EDEM3: variants seen among roughly 807,000 people sequenced by gnomAD.
EDEM3 encodes ER degradation enhancing alpha-mannosidase like protein 3, also known as ER degradation-enhancing alpha-mannosidase-like protein 3.
EDEM3 carries 60 observed loss-of-function variants against 110.2 expected under a neutral mutation model. The observed-to-expected ratio is 0.54, with a 90% CI of 0.44 to 0.67. The LOEUF (loss-of-function observed/expected upper bound fraction) is 0.67, where lower values mean the gene tolerates loss of function less well. Among genes scored for constraint, EDEM3 ranks in the 30% least tolerant of loss-of-function variants. The probability of loss-of-function intolerance (pLI) is 0.00; values close to 1 mark genes in which losing one functional copy is unlikely to be tolerated. For missense variants in EDEM3, 996 were observed against 1,121.0 expected (o/e 0.89, Z 1.59); for synonymous variants, 352 against 382.9 (o/e 0.92, Z 0.94).
chr1:184,719,210 A>T lies in EDEM3; in HGVS notation c.1113T>A (p.Thr371=). Reference sequence around the variant, plus strand: ...TAATCACCTGATATAACATTTCATGAGTTTCAATAGCAGGTCTAATATCCC... The same window carrying T: ...TAATCACCTGATATAACATTTCATGTGTTTCAATAGCAGGTCTAATATCCC... ...LKGDIRPAIE[T]HEMLYQVIKK... Residue 371 remains threonine (T), a synonymous_variant, in exon 11 of 20, where the codon ACT becomes ACA. Coordinates refer to ENST00000318130, the MANE Select transcript of EDEM3 (RefSeq NM_025191.4). 1 of 1,574,664 alleles carries T rather than the reference A, an allele frequency of 6.4e-7. No individual in the cohort carries two copies. The highest frequency in any genetic ancestry group is 8.6e-7 in the Non-Finnish European group (1 of 1,164,642).
chr1:184,719,685 T>C, intron 9 of EDEM3, 117 bp from the exon 10 acceptor site: 1 of 953,942 alleles, frequency 1.0e-6, no homozygotes, highest in Non-Finnish European at 1.5e-6. Flanking sequence ...ATTCACTAAA[T>C]AACTACCAAT....
intron 19 of EDEM3, among the ~76,000 whole-genome samples, chr1:184,701,728 C>T (rs1649634726): frequency 6.6e-6 from 1 of 152,020 alleles, no homozygotes; most frequent in Admixed American, 6.6e-5. Flanking sequence ...GACTAGAAAA[C>T]CTTTGTATTC....
At position 184,732,212 on chromosome 1, in the gene EDEM3, A is replaced by C. The variant is rs967092336; in HGVS notation, c.612+625T>G. On this transcript the variant is annotated intron_variant, in intron 6 of 19. Coordinates refer to ENST00000318130, the MANE Select transcript of EDEM3 (RefSeq NM_025191.4). ...AAAAAGAAATAAGCCAGGCATAGAA[A>C]GACAAATTTTGAATGTTCTTACTCA... is the stretch of plus-strand genomic sequence containing the variant. Among the ~76,000 whole-genome samples, 91 of 152,122 alleles carry C rather than the reference A, an allele frequency of 6.0e-4. 1 individual carries two copies. The highest frequency in any genetic ancestry group is 2.0e-4 in the Admixed American group (3 of 15,270).
intron 5 of EDEM3, among the ~76,000 whole-genome samples, chr1:184,733,596 G>A (rs191893218): frequency 3.9e-5 from 6 of 152,270 alleles, no homozygotes; most frequent in African/African-American, 4.8e-5. Flanking sequence ...TTGGGAGGCC[G>A]AGGCAGGTGG....
At position 184,719,253 on chromosome 1, in the gene EDEM3, T is replaced by A. The variant is rs959244174; in HGVS notation, c.1078-8A>T. On this transcript the variant is annotated splice_polypyrimidine_tract_variant and splice_region_variant and intron_variant, in intron 10 of 19. Transcript: ENST00000318130. ...AATATCCCCCTTTAACACCTAGAAA[T>A]CAACAACAATAAAATTACCTAATAA... 9.7e-6 allele frequency: 15 copies of A among 1,548,868 alleles called. No individual in the cohort carries two copies. In the South Asian group the frequency reaches 1.1e-4, roughly 11 times the overall value.
At chr1:184,748,987 T>C (rs867966484) in intron 2 of EDEM3, among the ~76,000 whole-genome samples, 2 of 152,258 alleles carry the variant, frequency 1.3e-5, no homozygotes, top group Non-Finnish European at 2.9e-5. Context: ...ATCTACGTTG[T>C]TGCACAACAG....
chr1:184,751,187 T>C (rs1231382290), intron 1 of EDEM3, among the ~76,000 whole-genome samples: 1 of 150,938 alleles, frequency 6.6e-6, no homozygotes, highest in East Asian at 1.9e-4. Context: ...TATATATAAT[T>C]TTTATATTTG....
At chr1:184,729,255 C>T (rs1328390210) in intron 6 of EDEM3, among the ~76,000 whole-genome samples, 1 of 152,094 alleles carries the variant, frequency 6.6e-6, no homozygotes, top group Non-Finnish European at 1.5e-5. Context: ...TCCTGAGAGT[C>T]ACAAGGCAAT....
intron 2 of EDEM3, among the ~76,000 whole-genome samples, chr1:184,748,458 A>C (rs1466764598): frequency 2.0e-5 from 3 of 151,972 alleles, no homozygotes; most frequent in Non-Finnish European, 2.9e-5. Context: ...CAAAAAAAAA[A>C]ACAAAAAACA....
chr1:184,719,556 T>C lies in EDEM3; in HGVS notation c.964A>G (p.Ile322Val), dbSNP rs762204619. The C allele has an allele frequency of 1.4e-5, 23 of 1,614,006 alleles. 2 individuals carry two copies. Among genetic ancestry groups the C allele is most frequent in the South Asian group, 5.5e-5 (5 of 91,042 alleles). Residue 322 changes from isoleucine (I) to valine (V), a missense_variant, in exon 10 of 20, where the codon ATA (isoleucine) becomes GTA (valine). Coordinates refer to ENST00000318130, the MANE Select transcript of EDEM3 (RefSeq NM_025191.4). The part of the protein sequence containing the change: ...LERFNTHYDA[I>V]MRYISQPPLL... ...GGTGGCTGGCTAATATACCTCATTA[T>C]GGCATCATAGTGCTAAAAGATCACA...
At chr1:184,746,523 T>A (rs750926037) in intron 2 of EDEM3, among the ~76,000 whole-genome samples, 5 of 152,228 alleles carry the variant, frequency 3.3e-5, no homozygotes, top group Non-Finnish European at 5.9e-5. Flanking sequence ...TTCTAAGCAC[T>A]TTCATTATAT....
chr1:184,718,543 G>T lies in EDEM3; in HGVS notation c.1161+619C>A, dbSNP rs532170348. Reference sequence around the variant, plus strand: ...TCACAGAGGGTAGTCAATAAGCGGGGATAGAACAAGGCCATACACACATTT... The same window carrying T: ...TCACAGAGGGTAGTCAATAAGCGGGTATAGAACAAGGCCATACACACATTT... On this transcript the variant is annotated intron_variant, in intron 11 of 19. Transcript: ENST00000318130. Among the ~76,000 whole-genome samples, 9 of 152,200 alleles carry T rather than the reference G, an allele frequency of 5.9e-5. No homozygotes were observed. In the South Asian group the frequency reaches 1.2e-3, roughly 21 times the overall value.
chr1:184,728,537 C>G (rs968346356), intron 6 of EDEM3, among the ~76,000 whole-genome samples: 1 of 151,894 alleles, frequency 6.6e-6, no homozygotes, highest in Non-Finnish European at 1.5e-5. Flanking sequence ...TTTATTAACA[C>G]AATTATCTAT....
chr1:184,707,988 C>T (rs1374684893), intron 17 of EDEM3, among the ~76,000 whole-genome samples, 165 bp downstream of exon 17: 1 of 152,140 alleles, frequency 6.6e-6, no homozygotes, highest in Non-Finnish European at 1.5e-5. Flanking sequence ...TAAATTATGA[C>T]TCAAAGTTTT....
intron 13 of EDEM3, among the ~76,000 whole-genome samples, chr1:184,715,465 A>G (rs2102078981): frequency 6.6e-6 from 1 of 152,194 alleles, no homozygotes; most frequent in East Asian, 1.9e-4. Context: ...GACTGGTTCT[A>G]TTTTATCTTT....
chr1:184,706,655 C>T lies in EDEM3; in HGVS notation c.2191G>A (p.Gly731Ser). The T allele has an allele frequency of 6.2e-7, 1 of 1,610,874 alleles. No individual in the cohort carries two copies. ...GATGATTACTTACCAATAACAATGCCACCAATGGCTCCAGCATTCTGGATG... is the reference window on the plus strand; with the variant it reads ...GATGATTACTTACCAATAACAATGCTACCAATGGCTCCAGCATTCTGGATG... ...RNIQNAGAIG[G>S]IVIDDNEGSS... Residue 731 changes from glycine to serine, a missense_variant, in exon 18 of 20, where the codon GGC (glycine) becomes AGC (serine). Transcript: ENST00000318130.
At chr1:184,707,063 C>T (rs902921463) in intron 17 of EDEM3, among the ~76,000 whole-genome samples, 2 of 152,014 alleles carry the variant, frequency 1.3e-5, no homozygotes, top group East Asian at 3.9e-4. Context: ...TATAATGACC[C>T]TGAGCAAAAC....
At chr1:184,748,150 A>T (rs867649958) in intron 2 of EDEM3, among the ~76,000 whole-genome samples, 1 of 151,890 alleles carries the variant, frequency 6.6e-6, no homozygotes, top group South Asian at 2.1e-4. Flanking sequence ...ACAAAAAAAA[A>T]TTAATTAAAA....
At position 184,692,117 on chromosome 1, in the gene EDEM3, C is replaced by A. The variant is rs1054931504; in HGVS notation, c.*1946G>T. On this transcript the variant is annotated 3_prime_UTR_variant, in exon 20 of 20. Coordinates refer to ENST00000318130, the MANE Select transcript of EDEM3 (RefSeq NM_025191.4). ...TTCTGTAATCGATGTCTTAGAGGAA[C>A]ATCTGCTCATTTTCTCCAAGCCCCA... 1.3e-5 allele frequency: 2 copies of A among 152,126 alleles called. No homozygotes were observed. The highest frequency in any genetic ancestry group is 4.8e-5 in the African/African-American group (2 of 41,458). The allele number at this position is 152,126 out of a possible 1,614,324, so 9.4% of individuals were successfully genotyped here. A position where few individuals can be genotyped will look rare whatever the true frequency, so the allele number is the denominator to read the frequency against.
Sources: gnomAD v4.1 joint callset for allele counts (sites outside exome capture counted in the v4.1 genomes callset) on GRCh38, gnomAD v4.1.1 for gene constraint, MANE v1.5 for transcripts, NCBI Gene and HGNC (gene_info 2026-07-23, HGNC 2026-07-21) for gene names.